ZNF69: variants seen among roughly 807,000 people sequenced by gnomAD.
ZNF69 encodes the protein ZNF3.
In ZNF69, 47 loss-of-function variants were observed where a neutral mutation model predicts 50.9. That is an observed-to-expected ratio of 0.92 (90% CI 0.73 to 1.18). The LOEUF (loss-of-function observed/expected upper bound fraction) is 1.18, where lower values mean the gene tolerates loss of function less well. Ranked by LOEUF, ZNF69 falls within the 50% of genes most tolerant of loss-of-function variation. The pLI, the probability that ZNF69 is intolerant of heterozygous loss-of-function variation, is 0.00. For missense variants in ZNF69, 717 were observed against 675.1 expected (o/e 1.06, Z -0.69); for synonymous variants, 216 against 223.1 (o/e 0.97, Z 0.29).
the ZNF69 span, chr19:11,948,917 G>A: frequency 1.2e-6 from 2 of 1,606,750 alleles, no homozygotes; most frequent in Non-Finnish European, 1.7e-6. Context: ...AGACATGAAA[G>A]AAGTCACATG....
At chr19:11,944,691 A>C in the ZNF69 span, among the ~76,000 whole-genome samples, 15 of 152,192 alleles carry the variant, frequency 9.9e-5, no homozygotes, top group Non-Finnish European at 1.9e-4. Flanking sequence ...ATTTCTGTGA[A>C]GTCTACCTGC....
the ZNF69 span, among the ~76,000 whole-genome samples, chr19:11,933,233 C>T: frequency 7.0e-6 from 1 of 141,960 alleles, no homozygotes. Context: ...GCCTAGGCAA[C>T]ATAGCAAGGC....
chr19:11,965,524 A>G, the ZNF69 span, among the ~76,000 whole-genome samples: 1 of 152,196 alleles, frequency 6.6e-6, no homozygotes, highest in African/African-American at 2.4e-5. Context: ...CATGGGGGAA[A>G]TCCTGACTCG....
the ZNF69 span, among the ~76,000 whole-genome samples, chr19:11,971,294 G>T: frequency 6.6e-6 from 1 of 152,142 alleles, no homozygotes; most frequent in South Asian, 2.1e-4. Context: ...TGGCTGTCCT[G>T]TGTCTTCCTA....
At chr19:11,925,154 A>G in the ZNF69 span, 46 of 1,601,376 alleles carry the variant, frequency 2.9e-5, no homozygotes, top group African/African-American at 1.3e-5. Flanking sequence ...CGGTCAGACC[A>G]GCCCGAGAGG....
At chr19:11,957,781 G>T in the ZNF69 span, among the ~76,000 whole-genome samples, 2 of 151,936 alleles carry the variant, frequency 1.3e-5, no homozygotes, top group Non-Finnish European at 2.9e-5. Flanking sequence ...GGAGGCGGAG[G>T]TTGCAGTGAG....
the ZNF69 span, among the ~76,000 whole-genome samples, chr19:11,930,216 C>G: frequency 6.7e-6 from 1 of 148,404 alleles, no homozygotes; most frequent in Non-Finnish European, 1.5e-5. Context: ...GACACATGGC[C>G]AATCAGCTAA....
At chr19:11,918,461 T>A (rs1475386163), downstream of ZNF69, among the ~76,000 whole-genome samples, 1 of 152,180 alleles carries the variant, frequency 6.6e-6, no homozygotes, top group East Asian at 1.9e-4. Flanking sequence ...ATTTGACTAA[T>A]TTGTAGTTAT....
At chr19:11,970,880 G>A in the ZNF69 span, among the ~76,000 whole-genome samples, 1,087 of 152,208 alleles carry the variant, frequency 7.1e-3, 18 homozygotes, top group African/African-American at 0.025. Flanking sequence ...GCAGTGAGCC[G>A]AGATCCCGCC....
chr19:11,951,982 C>T, the ZNF69 span, among the ~76,000 whole-genome samples: 6 of 152,174 alleles, frequency 3.9e-5, no homozygotes, highest in Admixed American at 1.3e-4. Flanking sequence ...TGAGACCAGC[C>T]TGACCAATAT....
chr19:11,927,999 C>T, the ZNF69 span, among the ~76,000 whole-genome samples: 1 of 150,474 alleles, frequency 6.6e-6, no homozygotes, highest in African/African-American at 2.5e-5. Context: ...TGAGATACAA[C>T]AATTTTTTTT....
intron 1 of ZNF69, among the ~76,000 whole-genome samples, chr19:11,900,943 G>A (rs1770293629): frequency 6.6e-6 from 1 of 152,176 alleles, no homozygotes; most frequent in Non-Finnish European, 1.5e-5. Context: ...TAGAAATTGT[G>A]AGTTTTGCAT....
chr19:11,971,194 T>C, the ZNF69 span, among the ~76,000 whole-genome samples: 1 of 152,122 alleles, frequency 6.6e-6, no homozygotes, highest in Non-Finnish European at 1.5e-5. Flanking sequence ...GTTCAGGGAG[T>C]TGGCAGATCT....
chr19:11,958,866 CGTTT>C, the ZNF69 span, among the ~76,000 whole-genome samples: 1 of 152,042 alleles, frequency 6.6e-6, no homozygotes, highest in Non-Finnish European at 1.5e-5. Flanking sequence ...ATCATTCATT[CGTTT>C]GTTTGCTCAT....
At chr19:11,940,462 G>A in the ZNF69 span, among the ~76,000 whole-genome samples, 1 of 151,984 alleles carries the variant, frequency 6.6e-6, no homozygotes, top group African/African-American at 2.4e-5. Context: ...GCAGACCTTC[G>A]TGGTGAGTGT....
At chr19:11,933,358 G>T in the ZNF69 span, among the ~76,000 whole-genome samples, 1 of 148,228 alleles carries the variant, frequency 6.7e-6, no homozygotes, top group East Asian at 1.9e-4. Flanking sequence ...GAAAATTGAA[G>T]AAGCCAATAT....
At chr19:11,934,951 C>G in the ZNF69 span, among the ~76,000 whole-genome samples, 1 of 147,106 alleles carries the variant, frequency 6.8e-6, no homozygotes, top group Non-Finnish European at 1.5e-5. Flanking sequence ...GAGGCCAAGG[C>G]GGGTGGATCA....
At chr19:11,975,956 A>G in the ZNF69 span, among the ~76,000 whole-genome samples, 1 of 151,174 alleles carries the variant, frequency 6.6e-6, no homozygotes, top group African/African-American at 2.4e-5. Context: ...ATCAGCATCT[A>G]TCTAGCTACA....
At chr19:11,973,100 C>G in the ZNF69 span, among the ~76,000 whole-genome samples, 5 of 152,170 alleles carry the variant, frequency 3.3e-5, no homozygotes, top group South Asian at 2.1e-4. Context: ...TTTAAGACAA[C>G]TACATGTGTC....
Sources: allele counts gnomAD v4.1 joint callset (sites outside exome capture counted in the v4.1 genomes callset), GRCh38; gene constraint gnomAD v4.1.1; transcripts MANE v1.5; gene names NCBI Gene and HGNC (gene_info 2026-07-23, HGNC 2026-07-21).